The following EIF3H variants were observed in gnomAD, a reference collection of about 807,000 sequenced individuals.
EIF3H encodes the protein eukaryotic translation initiation factor 3 subunit H.
Under a neutral mutation model 44.2 loss-of-function variants are expected in EIF3H, and 26 were observed. That is an observed-to-expected ratio of 0.59 (90% CI 0.43 to 0.82). The LOEUF is 0.82. EIF3H is among the 40% of genes least tolerant of loss of function. The pLI, the probability that EIF3H is intolerant of heterozygous loss-of-function variation, is 0.00. For missense variants in EIF3H, 359 were observed against 432.8 expected (o/e 0.83, Z 1.51); for synonymous variants, 166 against 151.9 (o/e 1.09, Z -0.68).
At chr8:116,710,904 T>G (rs913487029) in intron 2 of EIF3H, among the ~76,000 whole-genome samples, 1 of 152,160 alleles carries the variant, frequency 6.6e-6, no homozygotes, top group African/African-American at 2.4e-5. Flanking sequence ...AGACTCCAAT[T>G]AGCAGTAAAG....
At chr8:116,707,546 A>C (rs959424257) in intron 2 of EIF3H, among the ~76,000 whole-genome samples, 1 of 115,830 alleles carries the variant, frequency 8.6e-6, no homozygotes, top group Non-Finnish European at 1.8e-5. Flanking sequence ...ATTCAGTCAA[A>C]TATCTCATAC....
chr8:116,734,301 C>G (rs1449679038), intron 1 of EIF3H: 2 of 456,010 alleles, frequency 4.4e-6, no homozygotes, highest in Non-Finnish European at 8.8e-6. Flanking sequence ...GGAAGGGCTT[C>G]TGAGAGGATA....
intron 5 of EIF3H, among the ~76,000 whole-genome samples, chr8:116,652,689 C>T (rs895069397): frequency 5.3e-5 from 8 of 151,640 alleles, no homozygotes; most frequent in Non-Finnish European, 1.2e-4. Flanking sequence ...TGGATGTTCA[C>T]TGTATTTTTC....
chr8:116,685,363 C>G (rs1210660610), intron 2 of EIF3H, among the ~76,000 whole-genome samples: 2 of 152,184 alleles, frequency 1.3e-5, no homozygotes. Flanking sequence ...GAAGCCTGTT[C>G]TTCAGCCACA....
intron 2 of EIF3H, among the ~76,000 whole-genome samples, chr8:116,716,415 C>G (rs1814659926): frequency 1.3e-5 from 2 of 152,008 alleles, no homozygotes; most frequent in South Asian, 2.1e-4. Flanking sequence ...CTGATACTTC[C>G]TAGGTGTGCC....
At chr8:116,685,084 ATT>A (rs1814051128) in intron 2 of EIF3H, among the ~76,000 whole-genome samples, 2 of 152,308 alleles carry the variant, frequency 1.3e-5, no homozygotes, top group South Asian at 4.1e-4. Context: ...CTTATTTGAT[ATT>A]GATATTATGC....
At chr8:116,673,127 GT>G (rs1813785977) in intron 2 of EIF3H, among the ~76,000 whole-genome samples, 1 of 151,784 alleles carries the variant, frequency 6.6e-6, no homozygotes, top group Admixed American at 6.6e-5. Flanking sequence ...TGCACTATAG[GT>G]TCCATGTCTA....
chr8:116,691,181 A>G (rs753971783), intron 2 of EIF3H, among the ~76,000 whole-genome samples: 9 of 152,236 alleles, frequency 5.9e-5, no homozygotes, highest in Non-Finnish European at 1.0e-4. Context: ...AACAACTTTA[A>G]TTTACCATTC....
chr8:116,701,321 T>C (rs534109169), intron 2 of EIF3H, among the ~76,000 whole-genome samples: 1 of 152,280 alleles, frequency 6.6e-6, no homozygotes, highest in Admixed American at 6.5e-5. Context: ...TCAGTGAGTA[T>C]CCAGTCTAGC....
Position 116,644,880 on chromosome 8 carries a change from C to T in EIF3H, c.*126G>A. On this transcript the variant is annotated 3_prime_UTR_variant, in exon 8 of 8. Coordinates refer to ENST00000521861, the MANE Select transcript of EIF3H (RefSeq NM_003756.3). ...ATGGCTAGAAAGACACTGTTATAGC[C>T]AAAATCGGCAATGACACTAAAGAAA... 1 of 687,632 alleles carries T rather than the reference C, an allele frequency of 1.5e-6. No individual in the cohort carries two copies. Among genetic ancestry groups the T allele is most frequent in the Non-Finnish European group, 2.4e-6 (1 of 410,102 alleles). The allele number at this position is 687,632 out of a possible 1,614,324, so 42.6% of individuals were successfully genotyped here.
chr8:116,713,390 G>C (rs1414195369), intron 2 of EIF3H, among the ~76,000 whole-genome samples: 1 of 152,000 alleles, frequency 6.6e-6, no homozygotes, highest in Non-Finnish European at 1.5e-5. Context: ...CTTTTACCTT[G>C]ACCACATTTT....
intron 5 of EIF3H, among the ~76,000 whole-genome samples, chr8:116,655,598 T>C (rs560605948): frequency 6.6e-6 from 1 of 152,160 alleles, no homozygotes; most frequent in Non-Finnish European, 1.5e-5. Context: ...GCACAAATGA[T>C]ACAGCAAAGA....
chr8:116,743,752 T>C lies in EIF3H; in HGVS notation c.132+11914A>G, dbSNP rs920333956. 5.8e-4 allele frequency among the ~76,000 whole-genome samples: 73 copies of C among 125,900 alleles called. 1 individual carries two copies. The highest frequency in any genetic ancestry group is 1.1e-3 in the Non-Finnish European group (60 of 56,276). 82.6% of individuals were successfully genotyped at this position (125,900 alleles called of 152,430 possible). On this transcript the variant is annotated intron_variant, in intron 1 of 7. Transcript: ENST00000521861. Reference sequence around the variant, plus strand: ...CAGCCTGGGCGACAGAGCGATACCCTGTCTCAAAAATACATACATATATAT... The same window carrying C: ...CAGCCTGGGCGACAGAGCGATACCCCGTCTCAAAAATACATACATATATAT...
rs1380724789 is a variant in EIF3H, at chr8:116,643,764, G to A, written c.*1242C>T. 4 of 152,090 alleles carry A rather than the reference G, an allele frequency of 2.6e-5. No homozygotes were observed. The highest frequency in any genetic ancestry group is 3.9e-4 in the East Asian group (2 of 5,192). 9.4% of individuals were successfully genotyped at this position (152,090 alleles called of 1,614,324 possible). A position where few individuals can be genotyped will look rare whatever the true frequency, so the allele number is the denominator to read the frequency against. ...ATGTTGTCCAAAAAATGAATTTCTC[G>A]ACTCTCCTGATCTTTCACCCATCTC... On this transcript the variant is annotated 3_prime_UTR_variant, in exon 8 of 8. Coordinates refer to ENST00000521861, the MANE Select transcript of EIF3H (RefSeq NM_003756.3).
At chr8:116,761,681 G>A (rs1815519957) in intron 1 of EIF3H, among the ~76,000 whole-genome samples, 1 of 152,186 alleles carries the variant, frequency 6.6e-6, no homozygotes, top group African/African-American at 2.4e-5. Context: ...ATAGTCATCT[G>A]ATAACTGATG....
chr8:116,703,444 G>A (rs10955786), intron 2 of EIF3H, among the ~76,000 whole-genome samples: 15,375 of 152,184 alleles, frequency 0.1, 1,150 homozygotes, highest in East Asian at 0.41. Context: ...GCAGCCATCC[G>A]GAGGCCTGAC....
intron 1 of EIF3H, among the ~76,000 whole-genome samples, chr8:116,753,920 A>G (rs1181070248): frequency 6.6e-6 from 1 of 152,250 alleles, no homozygotes; most frequent in Non-Finnish European, 1.5e-5. Flanking sequence ...AAATTTAATA[A>G]GAAATATGTT....
intron 2 of EIF3H, among the ~76,000 whole-genome samples, chr8:116,722,826 C>A (rs138179944): frequency 6.6e-6 from 1 of 152,198 alleles, no homozygotes; most frequent in Non-Finnish European, 1.5e-5. Context: ...TCTCAGTTTT[C>A]CAATCTGTAA....
chr8:116,685,067 A>G (rs1814050849), intron 2 of EIF3H, among the ~76,000 whole-genome samples: 1 of 152,230 alleles, frequency 6.6e-6, no homozygotes. Flanking sequence ...ATGTAGCTGT[A>G]GCACAACTTA....
Sources: gnomAD v4.1 joint callset for allele counts (sites outside exome capture counted in the v4.1 genomes callset) on GRCh38, gnomAD v4.1.1 for gene constraint, MANE v1.5 for transcripts, NCBI Gene and HGNC (gene_info 2026-07-23, HGNC 2026-07-21) for gene names.